Variants in ACSM2A observed in about 807,000 individuals in gnomAD.
ACSM2A encodes the protein acyl-coenzyme A synthetase ACSM2A, mitochondrial.
Under a neutral mutation model 76.6 loss-of-function variants are expected in ACSM2A, and 72 were observed. That is an observed-to-expected ratio of 0.94 (90% CI 0.78 to 1.14). ACSM2A has a LOEUF of 1.14. ACSM2A is among the 50% of genes most tolerant of loss of function. The pLI is 0.00. For synonymous variants in ACSM2A, 249 were observed against 255.9 expected (o/e 0.97, Z 0.26); for missense variants, 684 against 708.5 (o/e 0.97, Z 0.39).
chr16:20,463,648 C>A (rs1427605937), intron 2 of ACSM2A, among the ~76,000 whole-genome samples: 2 of 152,138 alleles, frequency 1.3e-5, no homozygotes, highest in East Asian at 1.9e-4. Flanking sequence ...TTCCTGTACA[C>A]CCTGCATAAC....
chr16:20,472,409 C>A (rs991547152), intron 6 of ACSM2A, among the ~76,000 whole-genome samples: 2 of 152,150 alleles, frequency 1.3e-5, no homozygotes, highest in African/African-American at 2.4e-5. Context: ...TTCCTTTTTA[C>A]AAATAAAGGC....
intron 3 of ACSM2A, among the ~76,000 whole-genome samples, chr16:20,466,463 CA>C (rs2013002561): frequency 6.6e-6 from 1 of 152,072 alleles, no homozygotes; most frequent in African/African-American, 2.4e-5. Context: ...ACACTGAAAA[CA>C]GTAGGAGTTG....
intron 1 of ACSM2A, among the ~76,000 whole-genome samples, chr16:20,459,112 A>G (rs2012443873): frequency 6.6e-6 from 1 of 151,758 alleles, no homozygotes; most frequent in Admixed American, 6.6e-5. Flanking sequence ...GTGCAAAGGC[A>G]TGAGAATGAT....
At chr16:20,475,597 G>A (rs1250451918) in intron 7 of ACSM2A, 53 bp from the exon 8 acceptor site, 1 of 1,612,238 alleles carries the variant, frequency 6.2e-7, no homozygotes, top group East Asian at 2.2e-5. Flanking sequence ...CTAGGCCTGA[G>A]TGGACTTTGG....
rs1168827773 is a variant in ACSM2A at position 20,457,699 on chromosome 16, A to T, written c.-8-2408A>T. Among the ~76,000 whole-genome samples, 10 of 152,146 alleles carry T rather than the reference A, an allele frequency of 6.6e-5. No individual in the cohort carries two copies. In the East Asian group the frequency reaches 1.9e-3, roughly 29 times the overall value. ...TAAAAGCCATCTATGATAAACCCAC[A>T]GGCAACATAATAGTGAATGGGGAAA... On this transcript the variant is annotated intron_variant, in intron 1 of 13. Transcript: ENST00000573854.
intron 2 of ACSM2A, among the ~76,000 whole-genome samples, chr16:20,463,242 G>C (rs2012747492): frequency 2.0e-5 from 3 of 151,220 alleles, no homozygotes; most frequent in Admixed American, 2.0e-4. Flanking sequence ...AATAAAAAAA[G>C]AAATATCAGG....
intron 8 of ACSM2A, 174 bp downstream of exon 8, chr16:20,475,947 G>A (rs571237988): frequency 2.8e-6 from 4 of 1,418,260 alleles, no homozygotes; most frequent in East Asian, 2.4e-5. Context: ...AACAAAAAAG[G>A]CAAAGTTCCT....
Position 20,465,544 on chromosome 16 carries a change from C to G in ACSM2A, c.205C>G (p.Leu69Val). The G allele has an allele frequency of 6.2e-7, 1 of 1,613,974 alleles. No homozygotes were observed. Among genetic ancestry groups the G allele is most frequent in the Non-Finnish European group, 8.5e-7 (1 of 1,179,868 alleles). Residue 69 changes from leucine (L) to valine (V), a missense_variant, in exon 3 of 14, where the codon CTG (leucine) becomes GTG (valine). Around this residue, in one of 3 missense-constraint regions of ACSM2A, gnomAD observed 519 missense variants for 549.5 expected, o/e 0.94. Coordinates refer to ENST00000573854, the MANE Select transcript of ACSM2A (RefSeq NM_001308172.2). ...TGGCAAGCGACTCCCAAGCCCAGCCCTGTGGTGGGTGAATGGGAAGGGGAA... is the reference window on the plus strand; with the variant it reads ...TGGCAAGCGACTCCCAAGCCCAGCCGTGTGGTGGGTGAATGGGAAGGGGAA... ...KAGKRLPSPA[L>V]WWVNGKGKEL...
intron 3 of ACSM2A, among the ~76,000 whole-genome samples, chr16:20,466,887 C>A (rs1447994695): frequency 6.6e-6 from 1 of 152,170 alleles, no homozygotes; most frequent in African/African-American, 2.4e-5. Flanking sequence ...ATAATTCTAA[C>A]CTTGTGACAA....
intron 4 of ACSM2A, 65 bp from the exon 5 acceptor site, chr16:20,471,008 T>C: frequency 6.2e-7 from 1 of 1,602,356 alleles, no homozygotes; most frequent in Non-Finnish European, 8.5e-7. Context: ...TGGGAAAAGA[T>C]GGGTCACTTT....
intron 1 of ACSM2A, 123 bp from the exon 2 acceptor site, chr16:20,459,983 AC>A: frequency 7.0e-7 from 1 of 1,422,240 alleles, no homozygotes; most frequent in Non-Finnish European, 9.3e-7. Flanking sequence ...TTTACTCATA[AC>A]TACAGCAAAT....
rs192230726 is a variant in ACSM2A at position 20,482,815 on chromosome 16, T to C, written c.1510-243T>C. On this transcript the variant is annotated intron_variant, in intron 12 of 13. Transcript: ENST00000573854. ...CTTTCTCCTTATCTGTCTCTATTGT[T>C]ATTGGAGTATGAGGTGAGCCTAGTC... 4.2e-3 allele frequency: 1,678 copies of C among 401,092 alleles called. 13 individuals are homozygous for C. Among genetic ancestry groups the C allele is most frequent in the Non-Finnish European group, 6.3e-3 (1,419 of 225,468 alleles). 24.8% of individuals were successfully genotyped at this position (401,092 alleles called of 1,614,324 possible).
chr16:20,464,079 A>T lies in ACSM2A; in HGVS notation c.178-1438A>T, dbSNP rs187881307. ...AGGACCTTTGCTTCAGTTCCCGAAA[A>T]GTTCCTTATTTGCATTTGAAATCTG... is the stretch of plus-strand genomic sequence containing the variant. On this transcript the variant is annotated intron_variant, in intron 2 of 13. Transcript: ENST00000573854. 1.0e-3 allele frequency among the ~76,000 whole-genome samples: 152 copies of T among 152,270 alleles called. 1 individual carries two copies. The highest frequency in any genetic ancestry group is 3.4e-3 in the African/African-American group (140 of 41,564).
At chr16:20,457,134 C>T (rs1023680326) in intron 1 of ACSM2A, among the ~76,000 whole-genome samples, 3 of 151,878 alleles carry the variant, frequency 2.0e-5, no homozygotes, top group African/African-American at 7.2e-5. Flanking sequence ...AGACCAATAA[C>T]AAGCAGCGAG....
In ACSM2A at chr16:20,478,646, T is replaced by C. The variant is rs763131281; in HGVS notation, c.1250T>C (p.Ile417Thr). The C allele has an allele frequency of 1.2e-6, 2 of 1,613,734 alleles. No homozygotes were observed. Among genetic ancestry groups the C allele is most frequent in the Non-Finnish European group, 8.5e-7 (1 of 1,179,798 alleles). ...GACATTGGCATCAGGGTCAAACCCA[T>C]CAGGCCTATAGGCATCTTCTCTGGC... ...EGDIGIRVKP[I>T]RPIGIFSGYV... Residue 417 changes from isoleucine to threonine, a missense_variant, in exon 10 of 14, where the codon ATC becomes ACC. Around this residue, in one of 3 missense-constraint regions of ACSM2A, gnomAD observed 519 missense variants for 549.5 expected, o/e 0.94. Coordinates refer to ENST00000573854, the MANE Select transcript of ACSM2A (RefSeq NM_001308172.2).
At chr16:20,462,379 G>C (rs1417687115) in intron 2 of ACSM2A, among the ~76,000 whole-genome samples, 1 of 152,148 alleles carries the variant, frequency 6.6e-6, no homozygotes, top group African/African-American at 2.4e-5. Context: ...AGAGACTGTT[G>C]TCATCCTTGC....
rs139219051 is a variant in ACSM2A, at chr16:20,476,700, G to A, written c.1099-669G>A. On this transcript the variant is annotated intron_variant, in intron 8 of 13. Transcript: ENST00000573854. ...TGCCCTTTCCAGCACAGTGGGTGGC[G>A]GGAAAAGATGGGTCATTGTGATATC... 740 of 995,426 alleles carry A rather than the reference G, an allele frequency of 7.4e-4. 18 individuals are homozygous for A. In the South Asian group the frequency reaches 0.029, roughly 38 times the overall value. 61.7% of individuals were successfully genotyped at this position (995,426 alleles called of 1,614,324 possible). A position where few individuals can be genotyped will look rare whatever the true frequency, so the allele number is the denominator to read the frequency against.
At chr16:20,472,979 C>T (rs1567368651) in intron 6 of ACSM2A, among the ~76,000 whole-genome samples, 1 of 152,080 alleles carries the variant, frequency 6.6e-6, no homozygotes, top group South Asian at 2.1e-4. Context: ...GATGGTACAG[C>T]CATTAAGTAA....
intron 1 of ACSM2A, among the ~76,000 whole-genome samples, chr16:20,458,929 TA>T (rs2012427044): frequency 1.7e-5 from 1 of 58,610 alleles, no homozygotes; most frequent in Non-Finnish European, 2.9e-5. Context: ...TATATATATA[TA>T]TACATATATA....
Sources: allele counts gnomAD v4.1 joint callset (sites outside exome capture counted in the v4.1 genomes callset), GRCh38; gene constraint gnomAD v4.1.1; regional missense constraint gnomAD v4.1.1; transcripts MANE v1.5; gene names NCBI Gene and HGNC (gene_info 2026-07-23, HGNC 2026-07-21).